GRM7: variants seen among roughly 807,000 people sequenced by gnomAD.
The protein encoded by GRM7 is glutamate metabotropic receptor 7.
Under a neutral mutation model 84.5 loss-of-function variants are expected in GRM7, and 35 were observed. The ratio of observed to expected loss-of-function variants is 0.41; its 90% CI spans 0.32 to 0.55. The LOEUF (loss-of-function observed/expected upper bound fraction) is 0.55. Among genes scored for constraint, GRM7 ranks in the 20% least tolerant of loss-of-function variants. GRM7 has a pLI of 0.19. For synonymous variants in GRM7, 487 were observed against 455.1 expected, an observed-to-expected ratio of 1.07 and a Z score of -0.89; for missense variants, 1,003 against 1,194.6, an observed-to-expected ratio of 0.84 and a Z score of 2.36.
intron 1 of GRM7, among the ~76,000 whole-genome samples, chr3:6,944,590 A>G (rs1697995405): frequency 6.6e-6 from 1 of 152,090 alleles, no homozygotes; most frequent in Non-Finnish European, 1.5e-5. Flanking sequence ...AATTTTGTTG[A>G]GTCTTTGCAT....
chr3:7,581,580 A>G (rs1269800142), intron 8 of GRM7, among the ~76,000 whole-genome samples: 1 of 152,318 alleles, frequency 6.6e-6, no homozygotes, highest in African/African-American at 2.4e-5. Flanking sequence ...GCCAATTATC[A>G]AATGTAACAA....
In GRM7 at chr3:7,093,709, AAAAAAG is replaced by A. The variant is rs1254732705; in HGVS notation, c.520-52742_520-52737del. ...AAAAAAAAAAAAAAAAAAAAAAAAAAAAAAAGGTAGTTAGTGGCCTTTGCTCTTTTA... is the reference window on the plus strand; with the variant it reads ...AAAAAAAAAAAAAAAAAAAAAAAAAAGTAGTTAGTGGCCTTTGCTCTTTTA... On this transcript the variant is annotated intron_variant, in intron 1 of 9. Transcript: ENST00000357716. Among the ~76,000 whole-genome samples the A allele has an allele frequency of 5.1e-4, 41 of 79,954 alleles. 9 individuals are homozygous for A. The highest frequency in any genetic ancestry group is 2.2e-3 in the African/African-American group (35 of 16,110). 52.5% of individuals were successfully genotyped at this position (79,954 alleles called of 152,430 possible).
intron 2 of GRM7, among the ~76,000 whole-genome samples, chr3:7,260,470 A>C (rs2124956962): frequency 6.6e-6 from 1 of 152,080 alleles, no homozygotes; most frequent in East Asian, 1.9e-4. Context: ...GTTTCTTCTA[A>C]GTTTTCTAGT....
intron 8 of GRM7, 47 bp downstream of exon 8, chr3:7,579,404 T>C (rs1283853966): frequency 8.7e-7 from 1 of 1,144,438 alleles, no homozygotes; most frequent in Non-Finnish European, 1.2e-6. Flanking sequence ...AATGTGTTCA[T>C]TTTTGTAAGT....
chr3:7,202,435 A>T (rs916022663), intron 2 of GRM7, among the ~76,000 whole-genome samples: 3 of 152,050 alleles, frequency 2.0e-5, no homozygotes, highest in Admixed American at 1.3e-4. Flanking sequence ...GGTTCAAGTG[A>T]TTCTCCTGCC....
intron 1 of GRM7, among the ~76,000 whole-genome samples, chr3:6,873,081 AT>A (rs1246272166): frequency 6.6e-6 from 1 of 152,076 alleles, no homozygotes; most frequent in Admixed American, 6.6e-5. Flanking sequence ...TCCCACCAAC[AT>A]TTTTTTGGGA....
At chr3:7,240,876 G>A (rs2174967) in intron 2 of GRM7, among the ~76,000 whole-genome samples, 128,263 of 152,216 alleles carry the variant, frequency 0.84, 54,169 homozygotes, top group East Asian at 0.98. Flanking sequence ...TCTATGTTTA[G>A]ATACACAAAT....
At chr3:7,376,795 C>A (rs566813284) in intron 4 of GRM7, among the ~76,000 whole-genome samples, 1 of 152,138 alleles carries the variant, frequency 6.6e-6, no homozygotes, top group African/African-American at 2.4e-5. Context: ...TGTTCTGAGG[C>A]AGAACTACTG....
At chr3:6,935,393 T>A (rs1189105160) in intron 1 of GRM7, among the ~76,000 whole-genome samples, 2 of 149,854 alleles carry the variant, frequency 1.3e-5, no homozygotes, top group African/African-American at 2.4e-5. Flanking sequence ...AACATTTACA[T>A]CATAGAAATA....
At chr3:7,400,306 A>G (rs1250439514) in intron 4 of GRM7, among the ~76,000 whole-genome samples, 1 of 152,182 alleles carries the variant, frequency 6.6e-6, no homozygotes, top group African/African-American at 2.4e-5. Flanking sequence ...CACTCAACAA[A>G]TAGGAATCTT....
chr3:7,360,436 T>C (rs974656596), intron 4 of GRM7, among the ~76,000 whole-genome samples: 1 of 152,056 alleles, frequency 6.6e-6, no homozygotes, highest in East Asian at 1.9e-4. Context: ...ATGCATCAGA[T>C]AAAAAATAAT....
chr3:7,584,568 T>A (rs1331689960), intron 8 of GRM7, among the ~76,000 whole-genome samples: 1 of 152,176 alleles, frequency 6.6e-6, no homozygotes, highest in African/African-American at 2.4e-5. Context: ...TTTCTAAATG[T>A]GGGAGAAATG....
chr3:7,726,779 C>A (rs1354225247), intron 9 of GRM7, among the ~76,000 whole-genome samples: 2 of 149,596 alleles, frequency 1.3e-5, no homozygotes, highest in Admixed American at 6.7e-5. Flanking sequence ...ACCTCAATAT[C>A]ATTTCTCATC....
intron 4 of GRM7, among the ~76,000 whole-genome samples, chr3:7,392,975 G>C (rs533435624): frequency 1.9e-4 from 29 of 152,254 alleles, no homozygotes; most frequent in African/African-American, 7.0e-4. Flanking sequence ...CCTGAACTCA[G>C]GCCAAGGTCA....
intron 7 of GRM7, among the ~76,000 whole-genome samples, chr3:7,493,426 T>C (rs1477978813): frequency 1.3e-5 from 2 of 152,014 alleles, no homozygotes; most frequent in Admixed American, 6.6e-5. Flanking sequence ...GTAACATTTT[T>C]CTGTGTCTCT....
At chr3:7,729,370 A>T (rs114042390) in intron 9 of GRM7, among the ~76,000 whole-genome samples, 1,881 of 152,234 alleles carry the variant, frequency 0.012, 43 homozygotes, top group African/African-American at 0.043. Context: ...TGCAGTTTAA[A>T]ATAACTCCTA....
At chr3:7,115,496 T>G (rs1458492699) in intron 1 of GRM7, among the ~76,000 whole-genome samples, 1 of 152,126 alleles carries the variant, frequency 6.6e-6, no homozygotes, top group African/African-American at 2.4e-5. Flanking sequence ...GATATATAGA[T>G]AGATGCTATA....
At position 7,452,784 on chromosome 3, in the gene GRM7, A is replaced by G. The variant is rs774952581; in HGVS notation, c.1352A>G (p.Tyr451Cys). Reference sequence around the variant, plus strand: ...GCTGGAGGCAAGAAGTTGCTGAAGTATATACGCAATGTTAATTTCAATGGT... The same window carrying G: ...GCTGGAGGCAAGAAGTTGCTGAAGTGTATACGCAATGTTAATTTCAATGGT... ...EQAGGKKLLKYIRNVNFNGSA... is the reference protein window; with the variant it reads ...EQAGGKKLLKCIRNVNFNGSA... The change falls in exon 6 of 10, where the codon TAT becomes TGT. Residue 451 changes from tyrosine (Y) to cysteine (C), a missense_variant. Tyr to Cys is a radical substitution (Grantham distance 194). Coordinates refer to ENST00000357716, the MANE Select transcript of GRM7 (RefSeq NM_000844.4). 6.2e-7 allele frequency: 1 copy of G among 1,611,602 alleles called. No homozygotes were observed.
At chr3:7,139,385 G>A (rs1485671345) in intron 1 of GRM7, among the ~76,000 whole-genome samples, 1 of 151,662 alleles carries the variant, frequency 6.6e-6, no homozygotes, top group Non-Finnish European at 1.5e-5. Flanking sequence ...ATATAAAAAT[G>A]AAAAACTTAG....
Sources: gnomAD v4.1 joint callset for allele counts (sites outside exome capture counted in the v4.1 genomes callset) on GRCh38, gnomAD v4.1.1 for gene constraint, MANE v1.5 for transcripts, NCBI Gene and HGNC (gene_info 2026-07-23, HGNC 2026-07-21) for gene names.